The following TBC1D9 variants were observed in gnomAD, a reference collection of about 807,000 sequenced individuals.
TBC1D9 encodes the protein TBC1 domain family member 9.
In TBC1D9, 63 loss-of-function variants were observed where a neutral mutation model predicts 132.0. The ratio of observed to expected loss-of-function variants is 0.48; its 90% CI spans 0.39 to 0.59. The LOEUF is 0.59. TBC1D9 is among the 20% of genes least tolerant of loss of function. TBC1D9 has a pLI of 0.00. For missense variants in TBC1D9, 1,261 were observed against 1,592.7 expected, an observed-to-expected ratio of 0.79 and a Z score of 3.54; for synonymous variants, 610 against 609.9, an observed-to-expected ratio of 1.00 and a Z score of 0.00.
At chr4:140,655,706 A>G (rs1460534047) in intron 13 of TBC1D9, among the ~76,000 whole-genome samples, 2 of 152,186 alleles carry the variant, frequency 1.3e-5, no homozygotes, top group Non-Finnish European at 2.9e-5. Flanking sequence ...GTTGTGAGAT[A>G]GAGCGGCAGA....
At chr4:140,668,866 T>C in intron 9 of TBC1D9, 51 bp downstream of exon 9, 2 of 1,599,306 alleles carry the variant, frequency 1.3e-6, no homozygotes, top group Non-Finnish European at 1.7e-6. Context: ...GAGGCCCTGG[T>C]GTGGAGTCCC....
intron 2 of TBC1D9, among the ~76,000 whole-genome samples, chr4:140,696,455 CAAAAAA>C (rs35713619): frequency 4.9e-5 from 3 of 61,576 alleles, no homozygotes; most frequent in African/African-American, 2.0e-4. Context: ...GAGTCCGTCT[CAAAAAA>C]AAAAAAAAAA....
intron 1 of TBC1D9, among the ~76,000 whole-genome samples, chr4:140,741,870 T>A (rs1578864098): frequency 6.6e-6 from 1 of 152,322 alleles, no homozygotes; most frequent in African/African-American, 2.4e-5. Context: ...CTTTAGACAA[T>A]AACTTAACTC....
intron 2 of TBC1D9, among the ~76,000 whole-genome samples, chr4:140,699,050 C>T (rs151319135): frequency 6.6e-6 from 1 of 152,130 alleles, no homozygotes. Context: ...CCCAGCACAG[C>T]ACTTCCTACC....
intron 16 of TBC1D9, among the ~76,000 whole-genome samples, chr4:140,629,317 A>C (rs1420788205): frequency 2.0e-5 from 3 of 152,218 alleles, no homozygotes; most frequent in Non-Finnish European, 2.9e-5. Context: ...ACCCCTCAAA[A>C]TGCAAAATTT....
In TBC1D9 at chr4:140,633,039, T is replaced by C. The variant is rs1736822923; in HGVS notation, c.2746+909A>G. Among the ~76,000 whole-genome samples the C allele has an allele frequency of 2.0e-5, 3 of 152,284 alleles. No homozygotes were observed. In the South Asian group the frequency reaches 6.2e-4, roughly 32 times the overall value. On this transcript the variant is annotated intron_variant, in intron 16 of 20. Coordinates refer to ENST00000442267, the MANE Select transcript of TBC1D9 (RefSeq NM_015130.3). ...CCTCAACGGACCTTACCTACATATATCCCTTCCCTTTTTAAAAAACCATCA... is the reference window on the plus strand; with the variant it reads ...CCTCAACGGACCTTACCTACATATACCCCTTCCCTTTTTAAAAAACCATCA...
intron 7 of TBC1D9, among the ~76,000 whole-genome samples, chr4:140,670,128 T>C (rs1423176902): frequency 6.6e-6 from 1 of 152,236 alleles, no homozygotes; most frequent in Non-Finnish European, 1.5e-5. Context: ...TCAGCAGCTA[T>C]GGCAGCCTCA....
intron 1 of TBC1D9, among the ~76,000 whole-genome samples, chr4:140,702,586 G>A (rs145818229): frequency 6.6e-6 from 1 of 152,174 alleles, no homozygotes; most frequent in Non-Finnish European, 1.5e-5. Flanking sequence ...CAGACAACTT[G>A]TCAGGTATGG....
chr4:140,709,104 A>G (rs1391860455), intron 1 of TBC1D9, among the ~76,000 whole-genome samples: 1 of 152,104 alleles, frequency 6.6e-6, no homozygotes, highest in Non-Finnish European at 1.5e-5. Context: ...ACGGCCATCC[A>G]CAACTCTTTC....
intron 1 of TBC1D9, among the ~76,000 whole-genome samples, chr4:140,735,340 A>T (rs1738656011): frequency 6.6e-6 from 1 of 152,236 alleles, no homozygotes; most frequent in African/African-American, 2.4e-5. Context: ...GGACTTTATA[A>T]AATCCTGTGT....
intron 1 of TBC1D9, among the ~76,000 whole-genome samples, chr4:140,715,620 C>T (rs1027803767): frequency 6.6e-6 from 1 of 152,228 alleles, no homozygotes; most frequent in Non-Finnish European, 1.5e-5. Flanking sequence ...GTTTTCCAGT[C>T]TTGCATCCAA....
At chr4:140,625,816 A>G (rs1736698885) in intron 18 of TBC1D9, among the ~76,000 whole-genome samples, 2 of 152,324 alleles carry the variant, frequency 1.3e-5, no homozygotes, top group Middle Eastern at 6.8e-3. Flanking sequence ...AGTTCTATAT[A>G]CATATATCTG....
intron 2 of TBC1D9, among the ~76,000 whole-genome samples, chr4:140,698,379 C>T (rs2220343): frequency 0.33 from 49,550 of 152,052 alleles, 9,692 homozygotes; most frequent in East Asian, 0.45. Flanking sequence ...GCCATGCCTT[C>T]GTTCATGGGC....
intron 1 of TBC1D9, among the ~76,000 whole-genome samples, chr4:140,739,172 A>C (rs1738721511): frequency 6.6e-6 from 1 of 152,010 alleles, no homozygotes; most frequent in South Asian, 2.1e-4. Context: ...TGTATTATTA[A>C]TAGAGACGGA....
At chr4:140,753,911 C>A (rs554216219) in intron 1 of TBC1D9, among the ~76,000 whole-genome samples, 1 of 152,288 alleles carries the variant, frequency 6.6e-6, no homozygotes, top group Admixed American at 6.5e-5. Context: ...TGACATGGCA[C>A]CAAGGTATTA....
intron 1 of TBC1D9, among the ~76,000 whole-genome samples, chr4:140,735,289 G>A (rs191558454): frequency 2.3e-4 from 35 of 152,138 alleles, no homozygotes; most frequent in African/African-American, 8.2e-4. Context: ...ACAAAGATCT[G>A]GCTCATGAAT....
chr4:140,688,624 G>C (rs28665461), intron 2 of TBC1D9, among the ~76,000 whole-genome samples: 6,251 of 152,130 alleles, frequency 0.041, 156 homozygotes, highest in Middle Eastern at 0.1. Flanking sequence ...AGCCATGATG[G>C]TGCCACTGCA....
chr4:140,701,260 G>A (rs1260401262), intron 2 of TBC1D9, among the ~76,000 whole-genome samples: 1 of 152,174 alleles, frequency 6.6e-6, no homozygotes, highest in African/African-American at 2.4e-5. Flanking sequence ...TTGTGTTCCA[G>A]AGAGTGTCAC....
chr4:140,723,230 C>T (rs989991400), intron 1 of TBC1D9, among the ~76,000 whole-genome samples: 4 of 152,198 alleles, frequency 2.6e-5, no homozygotes, highest in African/African-American at 9.7e-5. Flanking sequence ...TGTTCCACAA[C>T]TTAGATCATT....
Sources: allele counts gnomAD v4.1 joint callset (sites outside exome capture counted in the v4.1 genomes callset), GRCh38; gene constraint gnomAD v4.1.1; transcripts MANE v1.5; gene names NCBI Gene and HGNC (gene_info 2026-07-23, HGNC 2026-07-21).